GRM4: variants seen among roughly 807,000 people sequenced by gnomAD.
GRM4 encodes glutamate metabotropic receptor 4.
In GRM4, 28 loss-of-function variants were observed where a neutral mutation model predicts 81.7. That is an observed-to-expected ratio of 0.34 (90% CI 0.25 to 0.47). The LOEUF (loss-of-function observed/expected upper bound fraction) is 0.47. GRM4 is among the 20% of genes least tolerant of loss of function. The probability of loss-of-function intolerance (pLI) is 1.00; values close to 1 mark genes in which losing one functional copy is unlikely to be tolerated. For missense variants in GRM4, 948 were observed against 1,290.0 expected (o/e 0.73, Z 4.06); for synonymous variants, 488 against 528.8 (o/e 0.92, Z 1.06).
In GRM4 at chr6:34,136,061, C is replaced by T. The variant is rs1488835065; in HGVS notation, c.-363-2202G>A. On this transcript the variant is annotated intron_variant, in intron 1 of 10. Transcript: ENST00000538487. The surrounding 1 kb of genome is among the most constrained non-coding windows in gnomAD (Gnocchi z 4.1). ...GTTAAACACCATCCTGTCCAAATGC[C>T]GACGGTGCCTCGTGGAGAAATCACA... 6.6e-6 allele frequency among the ~76,000 whole-genome samples: 1 copy of T among 152,202 alleles called. No homozygotes were observed. The highest frequency in any genetic ancestry group is 1.5e-5 in the Non-Finnish European group (1 of 68,044).
At chr6:34,057,192 C>G (rs1765941695) in intron 5 of GRM4, among the ~76,000 whole-genome samples, 1 of 152,194 alleles carries the variant, frequency 6.6e-6, no homozygotes, top group South Asian at 2.1e-4. Context: ...TCCACATGCT[C>G]TGCGTGGCTC....
chr6:34,124,932 C>A (rs554733371), intron 2 of GRM4, among the ~76,000 whole-genome samples: 1 of 151,952 alleles, frequency 6.6e-6, no homozygotes, highest in African/African-American at 2.4e-5. Context: ...GCTCCAGGAG[C>A]CTCTCTAGGA....
In GRM4 at chr6:34,019,597, G is replaced by A. The variant is rs1319240038; in HGVS notation, c.*3224C>T. The A allele has an allele frequency of 1.3e-5, 2 of 152,360 alleles. No individual in the cohort carries two copies. Among genetic ancestry groups the A allele is most frequent in the Non-Finnish European group, 2.9e-5 (2 of 68,208 alleles). The allele number at this position is 152,360 out of a possible 1,614,324, so 9.4% of individuals were successfully genotyped here. A position where few individuals can be genotyped will look rare whatever the true frequency, so the allele number is the denominator to read the frequency against. On this transcript the variant is annotated 3_prime_UTR_variant, in exon 11 of 11. Transcript: ENST00000538487. ...CTGGTTAGAAAGTGTGCTGTGGGGT[G>A]GGATGTCTGCTAGCCCAATCCTTCA...
Position 34,140,084 on chromosome 6 carries a change from G to T in GRM4, c.-364+5916C>A, listed in dbSNP as rs116679435. ...TGAAAAAAAATAAGGCAGATAAGGG[G>T]ACAGGGAATGACCCAGAAGGGCTTT... On this transcript the variant is annotated intron_variant, in intron 1 of 10. Coordinates refer to ENST00000538487, the MANE Select transcript of GRM4 (RefSeq NM_000841.4). Among the ~76,000 whole-genome samples the T allele has an allele frequency of 3.4e-3, 517 of 152,336 alleles. 5 individuals are homozygous for T. The highest frequency in any genetic ancestry group is 0.011 in the African/African-American group (474 of 41,576).
intron 6 of GRM4, among the ~76,000 whole-genome samples, chr6:34,044,112 A>G (rs1302529379): frequency 7.4e-6 from 1 of 134,798 alleles, no homozygotes; most frequent in East Asian, 2.2e-4. Context: ...ATACACATAT[A>G]TACACAGACA....
intron 2 of GRM4, chr6:34,102,262 G>A (rs1179710019): frequency 2.2e-6 from 2 of 903,362 alleles, no homozygotes; most frequent in Non-Finnish European, 3.4e-6. Context: ...GCCCTTTACA[G>A]CTCAGCTCAG....
In GRM4 at chr6:34,114,279, G is replaced by C. The variant is rs1769498301; in HGVS notation, c.519+18699C>G. Among the ~76,000 whole-genome samples, 1 of 152,174 alleles carries C rather than the reference G, an allele frequency of 6.6e-6. No homozygotes were observed. The highest frequency in any genetic ancestry group is 1.5e-5 in the Non-Finnish European group (1 of 68,030). ...CGGTATGCATTTGGCTCACTCTGCT[G>C]CATTCTCAGCCCAACCCAACATCTG... On this transcript the variant is annotated intron_variant, in intron 2 of 10. Coordinates refer to ENST00000538487, the MANE Select transcript of GRM4 (RefSeq NM_000841.4). The surrounding 1 kb of genome is among the most constrained non-coding windows in gnomAD (Gnocchi z 4.3).
chr6:34,109,934 A>AC (rs5875488), intron 2 of GRM4, among the ~76,000 whole-genome samples: 7,854 of 151,044 alleles, frequency 0.052, 424 homozygotes, highest in African/African-American at 0.14. Flanking sequence ...CATGTACACC[A>AC]CCCCCCAGCA....
chr6:34,149,135 T>TC (rs978841355), upstream of GRM4, among the ~76,000 whole-genome samples: 39 of 150,302 alleles, frequency 2.6e-4, no homozygotes, highest in East Asian at 4.5e-3. Flanking sequence ...GGAAAGCAAC[T>TC]CCCCCCCAAC....
upstream of GRM4, chr6:34,146,156 G>A (rs752591545): frequency 1.2e-3 from 1,222 of 985,120 alleles, 3 homozygotes; most frequent in Non-Finnish European, 1.4e-3. Context: ...ACACATCCGC[G>A]CGCACGTGGC....
chr6:34,145,144 C>G (rs1346942613), intron 1 of GRM4, among the ~76,000 whole-genome samples: 1 of 151,964 alleles, frequency 6.6e-6, no homozygotes, highest in Non-Finnish European at 1.5e-5. Context: ...CGGCCTGCCC[C>G]GGGGGCGCAG....
At position 34,048,592 on chromosome 6, in the gene GRM4, A is replaced by G. The variant is rs1765464661; in HGVS notation, c.1169-7844T>C. Among the ~76,000 whole-genome samples, 5 of 151,956 alleles carry G rather than the reference A, an allele frequency of 3.3e-5. No individual in the cohort carries two copies. The highest frequency in any genetic ancestry group is 3.3e-4 in the Admixed American group (5 of 15,254). On this transcript the variant is annotated intron_variant, in intron 6 of 10. Transcript: ENST00000538487. This position sits in a 1 kb window ranked among gnomAD's most constrained non-coding sequence, Gnocchi z 4.0. ...CCCTTCAAGGAGCATCTAGCTTTCC[A>G]CCTTACTAGGTGACAAGGTTTGGCT...
At position 34,133,346 on chromosome 6, in the gene GRM4, G is replaced by C; in HGVS notation, c.151C>G (p.Leu51Val). The change falls in exon 2 of 11, where the codon CTG (leucine) becomes GTG (valine). Residue 51 changes from leucine (L) to valine (V), a missense_variant. Leu to Val is a conservative substitution (Grantham distance 32). Transcript: ENST00000538487. The surrounding 1 kb of genome is among the most constrained non-coding windows in gnomAD (Gnocchi z 6.5). ...CCATGCACCGGGAACAGGCCTCCCA[G>C]TGTGATGTCCCCATCTATGCGGATG... The part of the protein sequence containing the change: ...NSIRIDGDIT[L>V]GGLFPVHGRG... The C allele has an allele frequency of 6.2e-7, 1 of 1,614,118 alleles. No individual in the cohort carries two copies. The highest frequency in any genetic ancestry group is 2.2e-5 in the East Asian group (1 of 44,890).
chr6:34,133,080 G>T lies in GRM4; in HGVS notation c.417C>A (p.Gly139=). Residue 139 remains glycine (G), a synonymous_variant, in exon 2 of 11, where the codon GGC becomes GGA. Coordinates refer to ENST00000538487, the MANE Select transcript of GRM4 (RefSeq NM_000841.4). This position sits in a 1 kb window ranked among gnomAD's most constrained non-coding sequence, Gnocchi z 6.5. ...CAGGCTTGGTGATGATGGGTGGGCC[G>T]CCACTGCCACAGCGGACCTCTGTGC... is the stretch of plus-strand genomic sequence containing the variant. ...KDGTEVRCGS[G]GPPIITKPER... is the part of the protein sequence containing the mutation. 6.2e-7 allele frequency: 1 copy of T among 1,613,840 alleles called. No individual in the cohort carries two copies. The highest frequency in any genetic ancestry group is 8.5e-7 in the Non-Finnish European group (1 of 1,179,870).
At chr6:34,073,930 A>G (rs1354669937) in intron 3 of GRM4, among the ~76,000 whole-genome samples, 2 of 152,146 alleles carry the variant, frequency 1.3e-5, no homozygotes, top group Admixed American at 6.5e-5. Flanking sequence ...TGGGGTGACC[A>G]TGGAGGGGCC....
intron 3 of GRM4, 36 bp from the exon 4 acceptor site, chr6:34,062,064 G>C (rs763114937): frequency 2.0e-5 from 31 of 1,585,000 alleles, no homozygotes; most frequent in Non-Finnish European, 2.7e-5. Flanking sequence ...GGGTGGGCAG[G>C]GGAACCTGAG....
intron 2 of GRM4, among the ~76,000 whole-genome samples, chr6:34,118,214 T>G (rs1769670568): frequency 6.6e-6 from 1 of 152,204 alleles, no homozygotes; most frequent in African/African-American, 2.4e-5. Context: ...ACATGCTGGC[T>G]TTTATAGCCA....
chr6:34,067,982 G>C (rs1168429974), intron 3 of GRM4, among the ~76,000 whole-genome samples: 1 of 152,240 alleles, frequency 6.6e-6, no homozygotes, highest in Non-Finnish European at 1.5e-5. Flanking sequence ...GGAGCCCGCA[G>C]ACGTGTACTG....
At chr6:34,046,291 C>A (rs1016983323) in intron 6 of GRM4, among the ~76,000 whole-genome samples, 1 of 152,172 alleles carries the variant, frequency 6.6e-6, no homozygotes, top group African/African-American at 2.4e-5. Context: ...CACATGCATG[C>A]TCTAACACAG....
Sources: allele counts gnomAD v4.1 joint callset (sites outside exome capture counted in the v4.1 genomes callset), GRCh38; gene constraint gnomAD v4.1.1; non-coding constraint Gnocchi (gnomAD v3.1); transcripts MANE v1.5; gene names NCBI Gene and HGNC (gene_info 2026-07-23, HGNC 2026-07-21).